ERC2: variants seen among roughly 807,000 people sequenced by gnomAD.
ERC2 encodes the protein ERC protein 2.
ERC2 carries 42 observed loss-of-function variants against 114.8 expected under a neutral mutation model. The ratio of observed to expected loss-of-function variants is 0.37; its 90% CI spans 0.29 to 0.47. The LOEUF (loss-of-function observed/expected upper bound fraction) is 0.47. Among genes scored for constraint, ERC2 ranks in the 20% least tolerant of loss-of-function variants. The probability of loss-of-function intolerance (pLI) is 0.99; values close to 1 mark genes in which losing one functional copy is unlikely to be tolerated. For synonymous variants in ERC2, 454 were observed against 425.5 expected (o/e 1.07, Z -0.82); for missense variants, 939 against 1,150.7 (o/e 0.82, Z 2.66).
chr3:55,767,840 T>G (rs533896008), intron 14 of ERC2, among the ~76,000 whole-genome samples: 15 of 152,116 alleles, frequency 9.9e-5, no homozygotes, highest in Non-Finnish European at 1.9e-4. Flanking sequence ...CATTTGGGGG[T>G]CTACTGAGTA....
chr3:56,249,100 C>G (rs1025750759), intron 3 of ERC2, among the ~76,000 whole-genome samples: 2 of 152,294 alleles, frequency 1.3e-5, no homozygotes, highest in East Asian at 3.8e-4. Flanking sequence ...ATCTTGGTGT[C>G]TAGAGCTGAG....
intron 17 of ERC2, among the ~76,000 whole-genome samples, chr3:55,518,820 G>A (rs1392220): frequency 0.12 from 18,776 of 152,248 alleles, 1,278 homozygotes; most frequent in Middle Eastern, 0.16. Flanking sequence ...GTTTGAAATT[G>A]GAATCTTTTA....
At position 55,694,315 on chromosome 3, in the gene ERC2, G is replaced by A. The variant is rs145280726; in HGVS notation, c.2847+5063C>T. On this transcript the variant is annotated intron_variant, in intron 16 of 17. Coordinates refer to ENST00000288221, the MANE Select transcript of ERC2 (RefSeq NM_015576.3). ...CTTCCATCTGCCCTTCCTACTTCCC[G>A]AAGCTACTATGGGAGCAGTTCATTC... Among the ~76,000 whole-genome samples, 855 of 152,136 alleles carry A rather than the reference G, an allele frequency of 5.6e-3. 8 individuals carry two copies. Among genetic ancestry groups the A allele is most frequent in the Non-Finnish European group, 8.9e-3 (608 of 68,008 alleles).
intron 15 of ERC2, among the ~76,000 whole-genome samples, chr3:55,734,257 A>G (rs1199279620): frequency 6.6e-6 from 1 of 152,158 alleles, no homozygotes; most frequent in Non-Finnish European, 1.5e-5. Flanking sequence ...ATAGTCTGGC[A>G]GTGCTAGAAC....
chr3:55,766,107 G>A (rs1022480253), intron 14 of ERC2, among the ~76,000 whole-genome samples: 1 of 152,126 alleles, frequency 6.6e-6, no homozygotes. Flanking sequence ...GCCAGGAGGA[G>A]CAGCTGAATT....
At chr3:55,603,143 C>T (rs896749712) in intron 17 of ERC2, among the ~76,000 whole-genome samples, 5 of 152,204 alleles carry the variant, frequency 3.3e-5, no homozygotes, top group Non-Finnish European at 7.3e-5. Flanking sequence ...TTCCCTACCT[C>T]CATGACTTCT....
chr3:56,152,057 G>A (rs562966053), intron 4 of ERC2, among the ~76,000 whole-genome samples: 99 of 152,166 alleles, frequency 6.5e-4, no homozygotes, highest in African/African-American at 2.3e-3. Flanking sequence ...GCAGATAATC[G>A]TGGGCCTTCC....
chr3:55,689,694 G>A (rs1484839058), intron 16 of ERC2, among the ~76,000 whole-genome samples: 3 of 151,940 alleles, frequency 2.0e-5, no homozygotes, highest in African/African-American at 7.3e-5. Flanking sequence ...AGGGGAGGCT[G>A]AGGCAGGAGA....
chr3:56,399,611 C>T (rs1182244083), intron 2 of ERC2, among the ~76,000 whole-genome samples: 2 of 152,106 alleles, frequency 1.3e-5, no homozygotes, highest in African/African-American at 2.4e-5. Context: ...CAGAATGTTT[C>T]ATATAACAAG....
At chr3:55,759,271 T>C (rs767553832) in intron 14 of ERC2, among the ~76,000 whole-genome samples, 29 of 151,990 alleles carry the variant, frequency 1.9e-4, no homozygotes, top group Non-Finnish European at 3.7e-4. Flanking sequence ...AAAATTACAA[T>C]CATCTTACAA....
intron 10 of ERC2, among the ~76,000 whole-genome samples, chr3:56,001,000 T>C (rs2072006948): frequency 6.6e-6 from 1 of 150,382 alleles, no homozygotes; most frequent in Non-Finnish European, 1.5e-5. Flanking sequence ...GAGGAATAGT[T>C]CATTATATGA....
chr3:56,391,575 G>A (rs1036562824), intron 2 of ERC2, among the ~76,000 whole-genome samples: 1 of 152,138 alleles, frequency 6.6e-6, no homozygotes, highest in Admixed American at 6.5e-5. Context: ...TTTAAGATGA[G>A]TATTAGCAAC....
chr3:55,974,984 T>G (rs1018056174), intron 12 of ERC2, among the ~76,000 whole-genome samples: 2 of 152,180 alleles, frequency 1.3e-5, no homozygotes, highest in South Asian at 4.1e-4. Flanking sequence ...GCCAAACCAA[T>G]TCATACTAGC....
At chr3:56,457,248 G>C (rs2063106423) in intron 1 of ERC2, among the ~76,000 whole-genome samples, 1 of 152,182 alleles carries the variant, frequency 6.6e-6, no homozygotes, top group Non-Finnish European at 1.5e-5. Context: ...GATATTGGGA[G>C]AGAGTCTCAA....
At position 55,591,609 on chromosome 3, in the gene ERC2, G is replaced by A. The variant is rs550326940; in HGVS notation, c.*40-80333C>T. On this transcript the variant is annotated intron_variant, in intron 17 of 17. Coordinates refer to ENST00000288221, the MANE Select transcript of ERC2 (RefSeq NM_015576.3). ...TGTGTGTGTGTGTGTGTGCGCGCGC[G>A]TGTGGTTTTGACCAAAGCAGCAGCT... Among the ~76,000 whole-genome samples, 36 of 152,058 alleles carry A rather than the reference G, an allele frequency of 2.4e-4. No individual in the cohort carries two copies. In the South Asian group the frequency reaches 5.8e-3, roughly 25 times the overall value.
At chr3:56,086,936 ACT>A (rs769524291) in intron 6 of ERC2, among the ~76,000 whole-genome samples, 12 of 151,964 alleles carry the variant, frequency 7.9e-5, no homozygotes, top group Non-Finnish European at 1.6e-4. Context: ...AGGGCCCTTG[ACT>A]CTCTCTCTTA....
At chr3:56,042,724 G>A (rs1019962982) in intron 7 of ERC2, among the ~76,000 whole-genome samples, 4 of 151,614 alleles carry the variant, frequency 2.6e-5, no homozygotes, top group Admixed American at 6.6e-5. Context: ...TAAAAGTAGC[G>A]GCTTCCCAAT....
chr3:55,946,191 C>T (rs998418567), intron 13 of ERC2, among the ~76,000 whole-genome samples: 3 of 152,112 alleles, frequency 2.0e-5, no homozygotes, highest in Non-Finnish European at 4.4e-5. Context: ...TCTGATGGGA[C>T]ACACAGAAGC....
At chr3:55,679,649 T>C (rs1220921308) in intron 17 of ERC2, among the ~76,000 whole-genome samples, 3 of 152,182 alleles carry the variant, frequency 2.0e-5, no homozygotes, top group Non-Finnish European at 4.4e-5. Context: ...ATGAAAGTCT[T>C]AGTAGCCAAT....
Sources: allele counts gnomAD v4.1 joint callset (sites outside exome capture counted in the v4.1 genomes callset), GRCh38; gene constraint gnomAD v4.1.1; transcripts MANE v1.5; gene names NCBI Gene and HGNC (gene_info 2026-07-23, HGNC 2026-07-21).